The following CNTNAP2 variants were observed in gnomAD, a reference collection of about 807,000 sequenced individuals.
CNTNAP2 encodes the protein contactin associated protein 2.
A neutral mutation model predicts 155.2 loss-of-function variants in CNTNAP2; 98 were observed. That is an observed-to-expected ratio of 0.63 (90% confidence interval 0.54 to 0.75). The LOEUF (loss-of-function observed/expected upper bound fraction) is 0.75. CNTNAP2 is among the 30% of genes least tolerant of loss of function. The pLI, the probability that CNTNAP2 is intolerant of heterozygous loss-of-function variation, is 0.00. For missense variants in CNTNAP2, 1,727 were observed against 1,688.1 expected, an observed-to-expected ratio of 1.02 and a Z score of -0.40; for synonymous variants, 651 against 631.2, an observed-to-expected ratio of 1.03 and a Z score of -0.47.
At chr7:146,642,404 C>T (rs539141985) in intron 1 of CNTNAP2, among the ~76,000 whole-genome samples, 4 of 148,058 alleles carry the variant, frequency 2.7e-5, no homozygotes, top group Non-Finnish European at 5.9e-5. Context: ...TGAGAATATG[C>T]AGTGTTTGGT....
intron 10 of CNTNAP2, among the ~76,000 whole-genome samples, chr7:147,444,152 A>G (rs567142696): frequency 6.6e-6 from 1 of 152,192 alleles, no homozygotes; most frequent in African/African-American, 2.4e-5. Flanking sequence ...TAGTGAATCT[A>G]TTTTACCCTT....
At chr7:147,228,784 C>A (rs775181413) in intron 8 of CNTNAP2, among the ~76,000 whole-genome samples, 1 of 152,078 alleles carries the variant, frequency 6.6e-6, no homozygotes, top group Non-Finnish European at 1.5e-5. Context: ...TTAGGTATTT[C>A]TCCTAATGTT....
chr7:146,659,840 G>T (rs1585029148), intron 1 of CNTNAP2, among the ~76,000 whole-genome samples: 1 of 152,174 alleles, frequency 6.6e-6, no homozygotes, highest in South Asian at 2.1e-4. Context: ...CCTTTGGAGT[G>T]ATATGCAAGA....
intron 1 of CNTNAP2, among the ~76,000 whole-genome samples, chr7:146,248,722 T>C (rs1799706389): frequency 6.6e-6 from 1 of 152,074 alleles, no homozygotes; most frequent in Non-Finnish European, 1.5e-5. Flanking sequence ...GGACCTGAGG[T>C]CGTACGTGGA....
chr7:146,691,175 C>A (rs185624645), intron 1 of CNTNAP2, among the ~76,000 whole-genome samples: 5 of 152,164 alleles, frequency 3.3e-5, no homozygotes, highest in Admixed American at 3.3e-4. Context: ...TGGGTAATCA[C>A]CTTCTTTAGG....
intron 15 of CNTNAP2, among the ~76,000 whole-genome samples, chr7:148,061,398 T>C (rs1051702144): frequency 2.0e-5 from 3 of 152,152 alleles, no homozygotes; most frequent in Non-Finnish European, 4.4e-5. Context: ...CTGTCACCCA[T>C]GCTGTAGTGC....
At chr7:147,198,126 G>C (rs1009822074) in intron 8 of CNTNAP2, among the ~76,000 whole-genome samples, 1 of 150,242 alleles carries the variant, frequency 6.7e-6, no homozygotes, top group Admixed American at 6.6e-5. Flanking sequence ...TATTTAAAAC[G>C]TTTATTTATA....
At chr7:147,325,547 A>C (rs546853726) in intron 9 of CNTNAP2, among the ~76,000 whole-genome samples, 1 of 152,214 alleles carries the variant, frequency 6.6e-6, no homozygotes, top group South Asian at 2.1e-4. Flanking sequence ...TTTACAAAGA[A>C]CTGAAAATGA....
At chr7:147,634,483 C>T (rs929852687) in intron 12 of CNTNAP2, among the ~76,000 whole-genome samples, 13 of 151,964 alleles carry the variant, frequency 8.6e-5, no homozygotes, top group African/African-American at 1.7e-4. Flanking sequence ...TAAAAGACTA[C>T]GTATTGGGTA....
At chr7:146,483,225 A>G (rs1182108576) in intron 1 of CNTNAP2, among the ~76,000 whole-genome samples, 2 of 143,380 alleles carry the variant, frequency 1.4e-5, no homozygotes, top group African/African-American at 2.5e-5. Context: ...GCAGTGAGCC[A>G]AGATCGCGCC....
intron 1 of CNTNAP2, among the ~76,000 whole-genome samples, chr7:146,759,451 T>C (rs950596242): frequency 1.3e-5 from 2 of 151,950 alleles, no homozygotes; most frequent in African/African-American, 4.8e-5. Context: ...TCCCAACACT[T>C]TGGGAGGCCG....
chr7:147,232,380 G>A (rs1034810349), intron 8 of CNTNAP2, among the ~76,000 whole-genome samples: 1 of 152,146 alleles, frequency 6.6e-6, no homozygotes, highest in African/African-American at 2.4e-5. Flanking sequence ...ACTGCAAACA[G>A]CCAAAACGCT....
intron 1 of CNTNAP2, among the ~76,000 whole-genome samples, chr7:146,506,254 T>C (rs1327564280): frequency 6.6e-6 from 1 of 152,208 alleles, no homozygotes; most frequent in Admixed American, 6.5e-5. Context: ...TGACCTGATG[T>C]AGTCTATTTG....
chr7:146,592,661 A>G (rs1798800393), intron 1 of CNTNAP2, among the ~76,000 whole-genome samples: 1 of 152,186 alleles, frequency 6.6e-6, no homozygotes, highest in Admixed American at 6.6e-5. Context: ...GTTCAAAAAA[A>G]TCATCTTCTA....
At chr7:147,119,010 A>G (rs1178702481) in intron 5 of CNTNAP2, among the ~76,000 whole-genome samples, 1 of 152,176 alleles carries the variant, frequency 6.6e-6, no homozygotes, top group Non-Finnish European at 1.5e-5. Context: ...AATTATTTTT[A>G]AAACAAGACC....
chr7:148,225,530 G>A (rs375029086), intron 19 of CNTNAP2, among the ~76,000 whole-genome samples: 1 of 152,130 alleles, frequency 6.6e-6, no homozygotes, highest in Non-Finnish European at 1.5e-5. Flanking sequence ...ATCATATGGG[G>A]CCTGGTGAGC....
chr7:146,374,264 C>T (rs990558944), intron 1 of CNTNAP2, among the ~76,000 whole-genome samples: 2 of 152,060 alleles, frequency 1.3e-5, no homozygotes, highest in Non-Finnish European at 2.9e-5. Context: ...TGATAAAGAG[C>T]TTCCAAATTT....
At position 148,001,157 on chromosome 7, in the gene CNTNAP2, G is replaced by A. The variant is rs565679488; in HGVS notation, c.2383+23168G>A. ...AAATTAGGTCACACTCTGAGGTTCT[G>A]GGTGGACATGAATTTGGGAATGGGG... On this transcript the variant is annotated intron_variant, in intron 15 of 23. Transcript: ENST00000361727. 3.8e-4 allele frequency among the ~76,000 whole-genome samples: 58 copies of A among 152,302 alleles called. No individual in the cohort carries two copies. The South Asian group carries it at 0.012, about 32-fold the overall frequency.
At chr7:146,294,550 T>C (rs1221646213) in intron 1 of CNTNAP2, among the ~76,000 whole-genome samples, 1 of 152,246 alleles carries the variant, frequency 6.6e-6, no homozygotes. Flanking sequence ...GTCAGTGTCC[T>C]GTGTTTAGTT....
Sources: allele counts gnomAD v4.1 joint callset (sites outside exome capture counted in the v4.1 genomes callset), GRCh38; gene constraint gnomAD v4.1.1; transcripts MANE v1.5; gene names NCBI Gene and HGNC (gene_info 2026-07-23, HGNC 2026-07-21).